RBFOX1: variants seen among roughly 807,000 people sequenced by gnomAD.
The protein encoded by RBFOX1 is RNA binding protein fox-1 homolog 1.
RBFOX1 carries 8 observed loss-of-function variants against 57.7 expected under a neutral mutation model. That is an observed-to-expected ratio of 0.14 (90% confidence interval 0.08 to 0.25). RBFOX1 has a LOEUF of 0.25. Among genes scored for constraint, RBFOX1 ranks in the 10% least tolerant of loss-of-function variants. The probability of loss-of-function intolerance (pLI) is 1.00; values close to 1 mark genes in which losing one functional copy is unlikely to be tolerated. For synonymous variants in RBFOX1, 326 were observed against 222.4 expected (o/e 1.47, Z -4.15); for missense variants, 611 against 548.5 (o/e 1.11, Z -1.14).
At chr16:5,828,147 A>G (rs1376102127) in intron 3 of RBFOX1, among the ~76,000 whole-genome samples, 1 of 151,784 alleles carries the variant, frequency 6.6e-6, no homozygotes, top group Non-Finnish European at 1.5e-5. Flanking sequence ...CCATCCATGC[A>G]TTCAGTCTAT....
At chr16:5,758,626 A>C (rs1007766423) in intron 3 of RBFOX1, among the ~76,000 whole-genome samples, 1 of 152,230 alleles carries the variant, frequency 6.6e-6, no homozygotes, top group Non-Finnish European at 1.5e-5. Flanking sequence ...TACAAAATTA[A>C]GACCTCAGAA....
In RBFOX1 at chr16:6,496,095, T is replaced by G. The variant is rs140647519; in HGVS notation, c.-63-158508T>G. On this transcript the variant is annotated intron_variant, in intron 2 of 15. Coordinates refer to ENST00000550418, the MANE Select transcript of RBFOX1 (RefSeq NM_018723.4). ...CCATGAAATGTTAACAAGAAAGATA[T>G]GTGCTACTCTGGGGTGTCTTGTAGA... 2.8e-3 allele frequency among the ~76,000 whole-genome samples: 433 copies of G among 152,338 alleles called. 3 individuals carry two copies. The highest frequency in any genetic ancestry group is 0.026 in the East Asian group (136 of 5,192).
At chr16:5,976,919 G>A (rs2060074942) in intron 4 of RBFOX1, among the ~76,000 whole-genome samples, 1 of 152,094 alleles carries the variant, frequency 6.6e-6, no homozygotes, top group Non-Finnish European at 1.5e-5. Context: ...ATTAGATGTG[G>A]AACAACGTTA....
chr16:7,357,905 C>G (rs530096636), intron 4 of RBFOX1, among the ~76,000 whole-genome samples: 1 of 152,106 alleles, frequency 6.6e-6, no homozygotes. Flanking sequence ...TAATTTTTTT[C>G]CTCTCTGAGG....
intron 3 of RBFOX1, among the ~76,000 whole-genome samples, chr16:5,793,027 C>T (rs760616975): frequency 2.6e-5 from 4 of 152,238 alleles, no homozygotes; most frequent in East Asian, 1.9e-4. Context: ...AGAAATGAAC[C>T]CCTGCAGTTC....
At chr16:6,193,697 G>C (rs1451823008) in intron 1 of RBFOX1, among the ~76,000 whole-genome samples, 5 of 151,876 alleles carry the variant, frequency 3.3e-5, no homozygotes, top group Non-Finnish European at 7.4e-5. Flanking sequence ...TCATTTTTCA[G>C]CCTGATTTTT....
intron 2 of RBFOX1, among the ~76,000 whole-genome samples, chr16:6,460,185 G>C (rs941094276): frequency 6.6e-6 from 1 of 151,934 alleles, no homozygotes; most frequent in Non-Finnish European, 1.5e-5. Context: ...CAAGATTAAG[G>C]TGTCAGCAGG....
At chr16:5,828,121 C>T (rs1005530292) in intron 3 of RBFOX1, among the ~76,000 whole-genome samples, 1 of 151,948 alleles carries the variant, frequency 6.6e-6, no homozygotes, top group African/African-American at 2.4e-5. Flanking sequence ...ATCCACTCAG[C>T]CACCTATCCA....
intron 2 of RBFOX1, among the ~76,000 whole-genome samples, chr16:6,348,729 T>C (rs2085789251): frequency 6.6e-6 from 1 of 152,004 alleles, no homozygotes; most frequent in Non-Finnish European, 1.5e-5. Context: ...CCGAGAACTC[T>C]CTCAGGAGAC....
intron 3 of RBFOX1, among the ~76,000 whole-genome samples, chr16:7,029,267 C>G (rs1279747967): frequency 8.2e-6 from 1 of 121,934 alleles, no homozygotes; most frequent in Non-Finnish European, 1.6e-5. Context: ...CATATATATA[C>G]GTATACGTAT....
At chr16:6,857,032 G>A (rs1335180370) in intron 3 of RBFOX1, among the ~76,000 whole-genome samples, 1 of 152,124 alleles carries the variant, frequency 6.6e-6, no homozygotes, top group East Asian at 1.9e-4. Flanking sequence ...ATGGCTTACT[G>A]CAAATCGTGT....
At chr16:6,759,427 A>G (rs754047624) in intron 3 of RBFOX1, among the ~76,000 whole-genome samples, 4 of 151,062 alleles carry the variant, frequency 2.6e-5, no homozygotes, top group South Asian at 2.1e-4. Flanking sequence ...CTGGGACCCA[A>G]TTAATTCTTT....
At chr16:7,226,925 G>A (rs1165587430) in intron 4 of RBFOX1, among the ~76,000 whole-genome samples, 1 of 152,168 alleles carries the variant, frequency 6.6e-6, no homozygotes, top group Non-Finnish European at 1.5e-5. Context: ...GTGTCTATAT[G>A]TATGGATGTA....
chr16:5,493,402 C>T (rs1414398456), intron 2 of RBFOX1, among the ~76,000 whole-genome samples: 1 of 152,122 alleles, frequency 6.6e-6, no homozygotes, highest in African/African-American at 2.4e-5. Context: ...TCCGCACCCT[C>T]TGTGTGTTTC....
At chr16:5,657,336 C>G (rs1304666916) in intron 3 of RBFOX1, among the ~76,000 whole-genome samples, 1 of 152,182 alleles carries the variant, frequency 6.6e-6, no homozygotes, top group Non-Finnish European at 1.5e-5. Flanking sequence ...CCTTTGTGGT[C>G]TTTCTCACAC....
intron 1 of RBFOX1, among the ~76,000 whole-genome samples, chr16:5,341,430 A>G (rs1049336336): frequency 6.6e-6 from 1 of 152,180 alleles, no homozygotes; most frequent in African/African-American, 2.4e-5. Context: ...TGTCGTGGCT[A>G]TAATGGAGTT....
chr16:5,379,956 C>T (rs182425235), intron 1 of RBFOX1, among the ~76,000 whole-genome samples: 15 of 152,298 alleles, frequency 9.8e-5, no homozygotes, highest in Non-Finnish European at 1.8e-4. Flanking sequence ...GAGGAATCAT[C>T]CCGGGCAGGT....
At chr16:5,709,308 G>A (rs1276327149) in intron 3 of RBFOX1, among the ~76,000 whole-genome samples, 1 of 152,158 alleles carries the variant, frequency 6.6e-6, no homozygotes, top group Non-Finnish European at 1.5e-5. Context: ...GCTCTGTTCT[G>A]TTATTTTGGG....
chr16:5,338,428 C>T lies in RBFOX1; in HGVS notation c.219+98323C>T, dbSNP rs148179547. ...TTCTTGCCAAGGAGAAGCAGGACAG[C>T]TGGTTTGCAGAGAGAAAATGAAGAA... On this transcript the variant is annotated intron_variant, in intron 1 of 2. Coordinates refer to the RBFOX1 transcript ENST00000585867. Among the ~76,000 whole-genome samples the T allele has an allele frequency of 2.8e-4, 43 of 152,222 alleles. No individual in the cohort carries two copies. In the East Asian group the frequency reaches 7.9e-3, roughly 28 times the overall value.
Sources: allele counts gnomAD v4.1 joint callset (sites outside exome capture counted in the v4.1 genomes callset), GRCh38; gene constraint gnomAD v4.1.1; transcripts MANE v1.5; gene names NCBI Gene and HGNC (gene_info 2026-07-23, HGNC 2026-07-21).